SPDL1: variants seen among roughly 807,000 people sequenced by gnomAD.
The protein encoded by SPDL1 is protein Spindly.
In SPDL1, 85 loss-of-function variants were observed where a neutral mutation model predicts 79.5. That is an observed-to-expected ratio of 1.07 (90% confidence interval 0.90 to 1.28). The LOEUF (loss-of-function observed/expected upper bound fraction) is 1.28, where lower values mean the gene tolerates loss of function less well. SPDL1 is among the 50% of genes most tolerant of loss of function. The pLI, the probability that SPDL1 is intolerant of heterozygous loss-of-function variation, is 0.00. For missense variants in SPDL1, 703 were observed against 697.8 expected (o/e 1.01, Z -0.08); for synonymous variants, 269 against 240.3 (o/e 1.12, Z -1.10).
At chr5:169,590,782 T>G (rs758870991) in intron 2 of SPDL1, 4 of 516,232 alleles carry the variant, frequency 7.7e-6, no homozygotes, top group Non-Finnish European at 1.5e-5. Flanking sequence ...CGTGTTGACA[T>G]ACCATGGAGC....
intron 3 of SPDL1, among the ~76,000 whole-genome samples, chr5:169,592,805 CTTTTTTT>C (rs11301691): frequency 1.2e-5 from 1 of 85,012 alleles, no homozygotes; most frequent in African/African-American, 4.4e-5. Flanking sequence ...ATAGAGATGG[CTTTTTTT>C]TTTTTTTTTT....
At chr5:169,602,750 AAC>A (rs1322092638) in intron 11 of SPDL1, among the ~76,000 whole-genome samples, 5 of 152,238 alleles carry the variant, frequency 3.3e-5, no homozygotes, top group Non-Finnish European at 7.3e-5. Context: ...AGAATGTTAT[AAC>A]CTCTGAGTCA....
Position 169,599,040 on chromosome 5 carries a change from G to T in SPDL1, c.1205G>T (p.Arg402Leu). ...ATGAAAGCATTATTTGAGAGCCAGC[G>T]GGCTCTAGATATTGAGCGAAAACTT... ...QRMKALFESQ[R>L]ALDIERKLFA... The change falls in exon 10 of 12, where the codon CGG (arginine) becomes CTG (leucine). Residue 402 changes from arginine to leucine, a missense_variant. Arg to Leu is a moderately radical substitution (Grantham distance 102). Coordinates refer to ENST00000265295, the MANE Select transcript of SPDL1 (RefSeq NM_017785.5). 1 of 1,593,958 alleles carries T rather than the reference G, an allele frequency of 6.3e-7. No homozygotes were observed. Among genetic ancestry groups the T allele is most frequent in the South Asian group, 1.1e-5 (1 of 89,020 alleles).
At chr5:169,587,210 A>G (rs555729945) in intron 1 of SPDL1, 1 of 152,128 alleles carries the variant, frequency 6.6e-6, no homozygotes, top group South Asian at 2.1e-4. Flanking sequence ...TTCATGAGGG[A>G]GGAGCTTTTT....
chr5:169,599,773 C>A (rs750791942), intron 10 of SPDL1, among the ~76,000 whole-genome samples: 1 of 152,056 alleles, frequency 6.6e-6, no homozygotes, highest in Non-Finnish European at 1.5e-5. Flanking sequence ...ATTGGGAATT[C>A]TTTTATTAAG....
chr5:169,594,470 A>AATTT lies in SPDL1; in HGVS notation c.759_760insTTTA (p.Gly254PhefsTer37), dbSNP rs1461490495. ...CAGCAAGCCTTGGATCCCAATAGTA[A>AATTT]AGGCAACTCTTTGTTTGCAGAGGTA... On this transcript the variant is annotated frameshift_variant, in exon 6 of 12. Coordinates refer to ENST00000265295, the MANE Select transcript of SPDL1 (RefSeq NM_017785.5). LOFTEE classifies it high-confidence loss of function. The AATTT allele has an allele frequency of 3.3e-5, 53 of 1,613,964 alleles. No individual in the cohort carries two copies. Among genetic ancestry groups the AATTT allele is most frequent in the Non-Finnish European group, 4.5e-5 (53 of 1,179,924 alleles).
At chr5:169,597,146 C>G (rs758938424) in intron 8 of SPDL1, among the ~76,000 whole-genome samples, 1 of 152,020 alleles carries the variant, frequency 6.6e-6, no homozygotes. Context: ...CAAGGGTTTC[C>G]TAGCTCACCT....
chr5:169,586,509 C>T (rs998519488), intron 1 of SPDL1: 2 of 152,220 alleles, frequency 1.3e-5, no homozygotes, highest in Non-Finnish European at 2.9e-5. Context: ...GCCAAGATTC[C>T]TCTTCTCATA....
intron 2 of SPDL1, among the ~76,000 whole-genome samples, chr5:169,590,043 C>T (rs1755196081): frequency 6.6e-6 from 1 of 152,204 alleles, no homozygotes; most frequent in African/African-American, 2.4e-5. Context: ...AGATTATAAA[C>T]TCCATGAGAG....
At chr5:169,597,452 A>C (rs1755647633) in intron 8 of SPDL1, among the ~76,000 whole-genome samples, 1 of 152,084 alleles carries the variant, frequency 6.6e-6, no homozygotes. Flanking sequence ...TGTCTGTACC[A>C]CACTGTTTTA....
chr5:169,599,612 A>G (rs1255508008), intron 10 of SPDL1, among the ~76,000 whole-genome samples: 1 of 152,128 alleles, frequency 6.6e-6, no homozygotes, highest in Non-Finnish European at 1.5e-5. Context: ...AGGACTGGGA[A>G]AGCACTCCAC....
chr5:169,588,496 G>T lies in SPDL1; in HGVS notation c.80G>T (p.Gly27Val), dbSNP rs936573420. 1 of 1,613,878 alleles carries T rather than the reference G, an allele frequency of 6.2e-7. No homozygotes were observed. The highest frequency in any genetic ancestry group is 1.3e-5 in the African/African-American group (1 of 75,028). ...EEERLKAAQY[G>V]LQLVESQNEL... ...GAGCGACTAAAAGCTGCACAGTATG[G>T]TTTACAACTAGTAGAGAGTCAAAAT... Residue 27 changes from glycine to valine, a missense_variant, in exon 2 of 12, where the codon GGT (glycine) becomes GTT (valine). Gly to Val is a moderately radical substitution (Grantham distance 109, BLOSUM62 -3). Coordinates refer to ENST00000265295, the MANE Select transcript of SPDL1 (RefSeq NM_017785.5).
Position 169,601,600 on chromosome 5 carries a change from A to G in SPDL1, c.1645A>G (p.Ser549Gly). The change falls in exon 11 of 12, where the codon AGT becomes GGT. Residue 549 changes from serine (S) to glycine (G), a missense_variant. By Grantham distance (56) the Ser-to-Gly change is moderately conservative (BLOSUM62 0). Coordinates refer to ENST00000265295, the MANE Select transcript of SPDL1 (RefSeq NM_017785.5). Reference sequence around the variant, plus strand: ...TGACGCTGAGGCCTTAAGTGAAAGAAGTGGAAACACCCCTAACTCTCCCAG... The same window carrying G: ...TGACGCTGAGGCCTTAAGTGAAAGAGGTGGAAACACCCCTAACTCTCCCAG... ...PADAEALSER[S>G]GNTPNSPRLA... 6.2e-7 allele frequency: 1 copy of G among 1,614,188 alleles called. No individual in the cohort carries two copies. The highest frequency in any genetic ancestry group is 1.6e-4 in the Middle Eastern group (1 of 6,062).
chr5:169,591,700 A>G (rs951605222), intron 3 of SPDL1, among the ~76,000 whole-genome samples: 9 of 152,252 alleles, frequency 5.9e-5, no homozygotes. Flanking sequence ...GTGGAAAGGT[A>G]CCATTATCAT....
Position 169,604,346 on chromosome 5 carries a change from A to G in SPDL1, c.*139A>G. 1.2e-6 allele frequency: 1 copy of G among 845,942 alleles called. No homozygotes were observed. The highest frequency in any genetic ancestry group is 3.0e-5 in the East Asian group (1 of 33,858). 52.4% of individuals were successfully genotyped at this position (845,942 alleles called of 1,614,324 possible). On this transcript the variant is annotated 3_prime_UTR_variant, in exon 12 of 12. Transcript: ENST00000265295. ...GACCTGGCATTTTCATGTGCCTTTG[A>G]CCAAGTGTTCAGAATTTGCTTGACT...
At chr5:169,595,573 T>C (rs1316778815) in intron 7 of SPDL1, 1 of 152,174 alleles carries the variant, frequency 6.6e-6, no homozygotes, top group Non-Finnish European at 1.5e-5. Flanking sequence ...GGCAAATGAG[T>C]GTTTAATGAA....
intron 10 of SPDL1, 128 bp from the exon 11 acceptor site, chr5:169,601,152 C>A: frequency 1.4e-6 from 1 of 714,294 alleles, no homozygotes; most frequent in Non-Finnish European, 2.3e-6. Context: ...GGATGCATTT[C>A]AGTGAGGAGA....
chr5:169,593,235 C>A, intron 3 of SPDL1, 119 bp from the exon 4 acceptor site: 1 of 847,800 alleles, frequency 1.2e-6, no homozygotes, highest in Non-Finnish European at 1.8e-6. Flanking sequence ...TAACCTTGGG[C>A]AAATAGGAAA....
rs753955440 is a variant in SPDL1 at position 169,594,406 on chromosome 5, G to T, written c.694G>T (p.Ala232Ser). ...YYNALEKARV[A>S]NQDLQVQLDQ... ...CTTTTGAATTTAGAAAGCTCGTGTA[G>T]CAAATCAAGATCTTCAGGTACAGTT... Residue 232 changes from alanine to serine, a missense_variant, in exon 6 of 12, where the codon GCA (alanine) becomes TCA (serine). Coordinates refer to ENST00000265295, the MANE Select transcript of SPDL1 (RefSeq NM_017785.5). 6.2e-7 allele frequency: 1 copy of T among 1,614,046 alleles called. No homozygotes were observed. The highest frequency in any genetic ancestry group is 8.5e-7 in the Non-Finnish European group (1 of 1,179,928).
Sources: gnomAD v4.1 joint callset for allele counts (sites outside exome capture counted in the v4.1 genomes callset) on GRCh38, gnomAD v4.1.1 for gene constraint, MANE v1.5 for transcripts, NCBI Gene and HGNC (gene_info 2026-07-23, HGNC 2026-07-21) for gene names.